Variants in ACTR3C observed in about 807,000 individuals in gnomAD.
The protein encoded by ACTR3C is actin-related protein 3C.
In ACTR3C, 18 loss-of-function variants were observed where a neutral mutation model predicts 26.3. The observed-to-expected ratio is 0.68, with a 90% CI of 0.47 to 1.01. The LOEUF (loss-of-function observed/expected upper bound fraction) is 1.01, where lower values mean the gene tolerates loss of function less well. ACTR3C is among the 50% of genes least tolerant of loss of function. ACTR3C has a pLI of 0.00. For missense variants in ACTR3C, 184 were observed against 250.7 expected (o/e 0.73, Z 1.80); for synonymous variants, 55 against 94.5 (o/e 0.58, Z 2.42).
chr7:150,168,658 A>G, the ACTR3C span, among the ~76,000 whole-genome samples: 10 of 150,794 alleles, frequency 6.6e-5, no homozygotes, highest in Admixed American at 6.6e-4. Flanking sequence ...TGGTGCCAAA[A>G]AAGTTGGGGA....
At chr7:150,281,680 GC>G (rs1318388056) in intron 6 of ACTR3C, among the ~76,000 whole-genome samples, 1 of 152,112 alleles carries the variant, frequency 6.6e-6, no homozygotes, top group Non-Finnish European at 1.5e-5. Flanking sequence ...GCCTCAACAT[GC>G]CCCGCCTGAG....
rs2129613276 is a variant in ACTR3C, at chr7:150,293,838, A to G, written c.46-419T>C. 2.6e-5 allele frequency among the ~76,000 whole-genome samples: 4 copies of G among 152,348 alleles called. No individual in the cohort carries two copies. The South Asian group carries it at 8.3e-4, about 32-fold the overall frequency. Reference sequence around the variant, plus strand: ...GTACTCCCAGCTACTCGGGAGACTGAGGTGGGAGGATCCCTTCATCCCAGA... The same window carrying G: ...GTACTCCCAGCTACTCGGGAGACTGGGGTGGGAGGATCCCTTCATCCCAGA... On this transcript the variant is annotated intron_variant, in intron 2 of 7. Coordinates refer to ENST00000683684, the MANE Select transcript of ACTR3C (RefSeq NM_001164458.2).
At chr7:150,183,032 A>T in the ACTR3C span, among the ~76,000 whole-genome samples, 5 of 150,880 alleles carry the variant, frequency 3.3e-5, no homozygotes, top group Non-Finnish European at 7.3e-5. Flanking sequence ...GCAGAACAGG[A>T]TAGATTACAT....
chr7:149,969,475 G>A, the ACTR3C span, among the ~76,000 whole-genome samples: 1 of 152,130 alleles, frequency 6.6e-6, no homozygotes, highest in Non-Finnish European at 1.5e-5. Context: ...AGTTAGTGAG[G>A]GCCGTGCATG....
chr7:149,977,203 T>A, the ACTR3C span, among the ~76,000 whole-genome samples: 1 of 152,104 alleles, frequency 6.6e-6, no homozygotes, highest in Non-Finnish European at 1.5e-5. Context: ...CTCCTGGGGG[T>A]AATCTTGAGA....
the ACTR3C span, among the ~76,000 whole-genome samples, chr7:150,039,520 C>T: frequency 1.1e-5 from 1 of 87,524 alleles, no homozygotes; most frequent in East Asian, 3.7e-4. Flanking sequence ...GGGGGTGCCT[C>T]CCCCTCCTGC....
At chr7:150,034,912 C>G in the ACTR3C span, among the ~76,000 whole-genome samples, 10 of 141,706 alleles carry the variant, frequency 7.1e-5, no homozygotes, top group Admixed American at 3.6e-4. Context: ...CCTCCCCCAC[C>G]CTGCGATGGG....
chr7:150,070,604 C>T, the ACTR3C span, among the ~76,000 whole-genome samples: 1 of 152,024 alleles, frequency 6.6e-6, no homozygotes, highest in Non-Finnish European at 1.5e-5. Context: ...GTGTGCGCCG[C>T]CACGCCTGGC....
chr7:150,132,571 A>G, the ACTR3C span, among the ~76,000 whole-genome samples: 1 of 152,168 alleles, frequency 6.6e-6, no homozygotes, highest in South Asian at 2.1e-4. Context: ...CTCATGCACA[A>G]TGAGATACCA....
the ACTR3C span, among the ~76,000 whole-genome samples, chr7:150,122,321 A>T: frequency 6.6e-6 from 1 of 152,194 alleles, no homozygotes; most frequent in Non-Finnish European, 1.5e-5. Context: ...GAACAGGGAG[A>T]AAATTTTTGT....
At chr7:149,981,541 T>G in the ACTR3C span, among the ~76,000 whole-genome samples, 8 of 149,888 alleles carry the variant, frequency 5.3e-5, no homozygotes, top group African/African-American at 1.7e-4. Flanking sequence ...TAGGACCCTA[T>G]AATTAGGACT....
chr7:150,243,694 C>T (rs1267328024), downstream of ACTR3C, among the ~76,000 whole-genome samples: 2 of 151,978 alleles, frequency 1.3e-5, no homozygotes, highest in Non-Finnish European at 2.9e-5. Flanking sequence ...TCATAGATTA[C>T]CTATAATATA....
At chr7:150,319,415 C>T (rs1388801439) in intron 1 of ACTR3C, among the ~76,000 whole-genome samples, 1 of 152,192 alleles carries the variant, frequency 6.6e-6, no homozygotes, top group Non-Finnish European at 1.5e-5. Flanking sequence ...CCATGTTTCT[C>T]AGGCTGGTCT....
the ACTR3C span, among the ~76,000 whole-genome samples, chr7:150,225,931 T>C: frequency 1.3e-3 from 196 of 152,346 alleles, no homozygotes; most frequent in African/African-American, 4.5e-3. Flanking sequence ...GAATGTCATA[T>C]AATGGAAATC....
chr7:150,038,160 G>C, the ACTR3C span, among the ~76,000 whole-genome samples: 191 of 136,164 alleles, frequency 1.4e-3, 14 homozygotes, highest in African/African-American at 4.4e-3. Context: ...AAAATGGGGG[G>C]CCTTTATGTT....
At chr7:150,077,992 A>G in the ACTR3C span, among the ~76,000 whole-genome samples, 1 of 152,198 alleles carries the variant, frequency 6.6e-6, no homozygotes. Context: ...CTCCACACAT[A>G]CACACAAGAC....
At chr7:150,091,098 G>A in the ACTR3C span, among the ~76,000 whole-genome samples, 3 of 149,398 alleles carry the variant, frequency 2.0e-5, no homozygotes, top group African/African-American at 7.4e-5. Flanking sequence ...TTCACGGTGT[G>A]GCCAGGACCC....
the ACTR3C span, among the ~76,000 whole-genome samples, chr7:150,079,145 G>T: frequency 6.6e-6 from 1 of 152,152 alleles, no homozygotes; most frequent in African/African-American, 2.4e-5. Flanking sequence ...AGGATTCTGG[G>T]AGTGCCAGGT....
chr7:150,012,498 G>A, the ACTR3C span, among the ~76,000 whole-genome samples: 1 of 150,818 alleles, frequency 6.6e-6, no homozygotes, highest in Non-Finnish European at 1.5e-5. Context: ...TGTATTTTTA[G>A]TAGAGATGGG....
Sources: allele counts gnomAD v4.1 joint callset (sites outside exome capture counted in the v4.1 genomes callset), GRCh38; gene constraint gnomAD v4.1.1; transcripts MANE v1.5; gene names NCBI Gene and HGNC (gene_info 2026-07-23, HGNC 2026-07-21).